The following KAT5 variants were observed in gnomAD, a reference collection of about 807,000 sequenced individuals.
KAT5 encodes the protein histone acetyltransferase KAT5.
Under a neutral mutation model 68.1 loss-of-function variants are expected in KAT5, and 31 were observed. That is an observed-to-expected ratio of 0.46 (90% CI 0.34 to 0.61). The LOEUF (loss-of-function observed/expected upper bound fraction) is 0.61, where lower values mean the gene tolerates loss of function less well. Among genes scored for constraint, KAT5 ranks in the 20% least tolerant of loss-of-function variants. The pLI, the probability that KAT5 is intolerant of heterozygous loss-of-function variation, is 0.01. For missense variants in KAT5, 451 were observed against 725.5 expected (o/e 0.62, Z 4.35); for synonymous variants, 365 against 292.6 (o/e 1.25, Z -2.52).
chr11:65,718,221 C>T lies in KAT5; in HGVS notation c.1265-369C>T, dbSNP rs1197581724. On this transcript the variant is annotated intron_variant, in intron 10 of 12. Transcript: ENST00000341318. ...CTGGATTAGAGACAGGAATCTGTCT[C>T]CACTTCCTTACATGGCTAGACACAG... 2.1e-5 allele frequency: 4 copies of T among 190,362 alleles called. No individual in the cohort carries two copies. In the East Asian group the frequency reaches 3.9e-4, roughly 19 times the overall value. 11.8% of individuals were successfully genotyped at this position (190,362 alleles called of 1,614,324 possible). A position where few individuals can be genotyped will look rare whatever the true frequency, so the allele number is the denominator to read the frequency against.
intron 3 of KAT5, 136 bp from the exon 4 acceptor site, chr11:65,713,212 A>G: frequency 3.1e-6 from 4 of 1,305,500 alleles, no homozygotes; most frequent in African/African-American, 1.5e-5. Flanking sequence ...TAGCTCCCAG[A>G]GTCCAGTAGC....
At chr11:65,714,332 G>A (rs1038027970) in intron 6 of KAT5, 163 bp from the exon 7 acceptor site, 9 of 757,456 alleles carry the variant, frequency 1.2e-5, no homozygotes, top group South Asian at 1.8e-5. Context: ...CCACATCATC[G>A]ATCCTTTAGG....
chr11:65,712,585 G>T, intron 1 of KAT5, 140 bp downstream of exon 1: 1 of 1,230,792 alleles, frequency 8.1e-7, no homozygotes, highest in Non-Finnish European at 1.1e-6. Flanking sequence ...GTGGCTCTTA[G>T]CTGCTCCGAG....
Position 65,712,446 on chromosome 11 carries a change from G to T in KAT5, c.178+1G>T. ...AACCAGGACAACGAAGATGAGTGGC[G>T]TGAGTGACGTTGGGGGGCGGGACTA... is the stretch of plus-strand genomic sequence containing the variant. On this transcript the variant is annotated splice_donor_variant, in intron 1 of 12. Coordinates refer to ENST00000341318, the MANE Select transcript of KAT5 (RefSeq NM_182710.3). LOFTEE classifies it high-confidence loss of function. 1.3e-6 allele frequency: 2 copies of T among 1,590,012 alleles called. No individual in the cohort carries two copies. The highest frequency in any genetic ancestry group is 1.7e-6 in the Non-Finnish European group (2 of 1,173,748).
chr11:65,717,829 G>A (rs1013446329), intron 10 of KAT5: 10 of 152,580 alleles, frequency 6.6e-5, no homozygotes, highest in African/African-American at 2.2e-4. Context: ...GACCAGCAAG[G>A]GGCTAAGGTC....
chr11:65,715,065 A>C, intron 8 of KAT5, 155 bp downstream of exon 8: 1 of 675,684 alleles, frequency 1.5e-6, no homozygotes, highest in Non-Finnish European at 2.7e-6. Flanking sequence ...GGAATGAGAC[A>C]GTCTCTGTTC....
At chr11:65,713,719 G>A (rs1460284333) in intron 5 of KAT5, 52 bp downstream of exon 5, 1 of 1,613,666 alleles carries the variant, frequency 6.2e-7, no homozygotes, top group Non-Finnish European at 8.5e-7. Flanking sequence ...ACTCTCTGGT[G>A]GCTTTTTTCA....
chr11:65,713,157 C>T, intron 3 of KAT5, 99 bp downstream of exon 3: 1 of 1,485,636 alleles, frequency 6.7e-7, no homozygotes, highest in Non-Finnish European at 9.2e-7. Context: ...GGCTCCCTCT[C>T]ACCCTGACTT....
At chr11:65,712,027 A>G, upstream of KAT5, 1 of 395,232 alleles carries the variant, frequency 2.5e-6, no homozygotes, top group Non-Finnish European at 4.5e-6. Context: ...CACGTGACGG[A>G]CTCAGTAGAC....
Position 65,713,426 on chromosome 11 carries a change from C to CG in KAT5, c.466dup (p.Glu156GlyfsTer9). ...ACTCCGCTTCAACCTGCCCAAGGAGCGGGAGGCCATTCCCGGTGGCGAGCC... is the reference window on the plus strand; with the variant it reads ...ACTCCGCTTCAACCTGCCCAAGGAGCGGGGAGGCCATTCCCGGTGGCGAGCC... On this transcript the variant is annotated frameshift_variant, in exon 4 of 13. Transcript: ENST00000341318. LOFTEE classifies it high-confidence loss of function. The CG allele has an allele frequency of 6.2e-7, 1 of 1,614,118 alleles. No homozygotes were observed. Among genetic ancestry groups the CG allele is most frequent in the Non-Finnish European group, 8.5e-7 (1 of 1,180,014 alleles).
At chr11:65,712,099 T>G, upstream of KAT5, 1 of 594,168 alleles carries the variant, frequency 1.7e-6, no homozygotes, top group South Asian at 3.5e-5. Context: ...CTTGTAACAC[T>G]CCGTTTTCCC....
At chr11:65,713,709 A>T (rs1555015567) in intron 5 of KAT5, 42 bp downstream of exon 5, 9 of 1,611,828 alleles carry the variant, frequency 5.6e-6, no homozygotes, top group Non-Finnish European at 6.8e-6. Context: ...CCTCTCTTCT[A>T]CTCTCTGGTG....
In KAT5 at chr11:65,717,350, A is replaced by G. The variant is rs1857233096; in HGVS notation, c.1264+368A>G. 22 of 346,652 alleles carry G rather than the reference A, an allele frequency of 6.3e-5. 2 individuals are homozygous for G. The South Asian group carries it at 6.7e-4, about 11-fold the overall frequency. 21.5% of individuals were successfully genotyped at this position (346,652 alleles called of 1,614,324 possible). A position where few individuals can be genotyped will look rare whatever the true frequency, so the allele number is the denominator to read the frequency against. ...GTACTGGGGCAAGGACCAGTGGCTA[A>G]TGTCCCCAGTTGTCCCCTGAGCCTT... is the stretch of plus-strand genomic sequence containing the variant. On this transcript the variant is annotated intron_variant, in intron 10 of 12. Transcript: ENST00000341318.
rs1270532456 is a variant in KAT5, at chr11:65,713,469, C to G, written c.506C>G (p.Ser169Cys). The change falls in exon 4 of 13, where the codon TCC (serine) becomes TGC (cysteine). Residue 169 changes from serine to cysteine, a missense_variant. Ser to Cys is a moderately radical substitution (Grantham distance 112). This residue lies in a region of KAT5 where 135 missense variants were observed against 173.4 expected (regional missense o/e 0.78). Transcript: ENST00000341318. ...GGCGAGCCTGACCAGCCGCTCTCCT[C>G]CAGCTCCTGCCTGCAGCCCAACCAC... is the stretch of plus-strand genomic sequence containing the variant. ...PGGEPDQPLS[S>C]SSCLQPNHRS... 6.2e-7 allele frequency: 1 copy of G among 1,614,130 alleles called. No individual in the cohort carries two copies. The highest frequency in any genetic ancestry group is 1.7e-5 in the Admixed American group (1 of 60,008).
In KAT5 at chr11:65,714,579, G is replaced by A. The variant is rs747460009; in HGVS notation, c.775G>A (p.Val259Ile). The change falls in exon 7 of 13, where the codon GTC (valine) becomes ATC (isoleucine). Residue 259 changes from valine (V) to isoleucine (I), a missense_variant. Transcript: ENST00000341318. ...LVSDRSHDDI[V>I]TRMKNIECIE... ...GTCTGATCGAAGCCACGACGACATC[G>A]TCACCCGGATGAAGAACATTGAGTG... 9 of 1,614,056 alleles carry A rather than the reference G, an allele frequency of 5.6e-6. No individual in the cohort carries two copies. The East Asian group carries it at 6.7e-5, about 12-fold the overall frequency.
At chr11:65,715,966 C>CGATTGCAT (rs1411715788) in intron 8 of KAT5, 1 of 146,108 alleles carries the variant, frequency 6.8e-6, no homozygotes, top group Non-Finnish European at 1.5e-5. Context: ...CAGTGACCCA[C>CGATTGCAT]GATTGCATGA....
In KAT5 at chr11:65,719,322, G is replaced by C. The variant is rs1857317221; in HGVS notation, c.*141G>C. The C allele has an allele frequency of 3.8e-6, 4 of 1,044,108 alleles. No homozygotes were observed. The highest frequency in any genetic ancestry group is 4.1e-6 in the Non-Finnish European group (3 of 737,914). The allele number at this position is 1,044,108 out of a possible 1,614,324, so 64.7% of individuals were successfully genotyped here. On this transcript the variant is annotated 3_prime_UTR_variant, in exon 13 of 13. Transcript: ENST00000341318. ...CAAAAAGGAGAGGACAGGCCTGGCA[G>C]GGGCCCACTGGTGCCCAGCACCAAG...
rs1590958788 is a variant in KAT5, at chr11:65,712,413, T to A, written c.146T>A (p.Leu49Gln). Residue 49 changes from leucine (L) to glutamine (Q), a missense_variant, in exon 1 of 13, where the codon CTG becomes CAG. Leu to Gln is a moderately radical substitution (Grantham distance 113). Around this residue, in one of 4 missense-constraint regions of KAT5, gnomAD observed 104 missense variants for 107.3 expected, o/e 0.97. Coordinates refer to ENST00000341318, the MANE Select transcript of KAT5 (RefSeq NM_182710.3). ...EIIEGCRLPV[L>Q]RRNQDNEDEW... Reference sequence around the variant, plus strand: ...ATCGAGGGCTGCCGCCTACCCGTGCTGCGGCGGAACCAGGACAACGAAGAT... The same window carrying A: ...ATCGAGGGCTGCCGCCTACCCGTGCAGCGGCGGAACCAGGACAACGAAGAT... The A allele has an allele frequency of 1.3e-6, 2 of 1,589,984 alleles. No homozygotes were observed. The highest frequency in any genetic ancestry group is 1.9e-5 in the Admixed American group (1 of 51,668).
rs1857051086 is a variant in KAT5 at position 65,712,428 on chromosome 11, A to G, written c.161A>G (p.Asp54Gly). The G allele has an allele frequency of 6.3e-7, 1 of 1,595,254 alleles. No homozygotes were observed. Among genetic ancestry groups the G allele is most frequent in the Non-Finnish European group, 8.5e-7 (1 of 1,174,900 alleles). Residue 54 changes from aspartate (D) to glycine (G), a missense_variant, in exon 1 of 13, where the codon GAC (aspartate) becomes GGC (glycine). Transcript: ENST00000341318. ...CRLPVLRRNQ[D>G]NEDEWPLAEI... ...CTACCCGTGCTGCGGCGGAACCAGG[A>G]CAACGAAGATGAGTGGCGTGAGTGA...
Sources: gnomAD v4.1 joint callset for allele counts on GRCh38, gnomAD v4.1.1 for gene constraint, gnomAD v4.1.1 regional missense constraint, MANE v1.5 for transcripts, NCBI Gene and HGNC (gene_info 2026-07-23, HGNC 2026-07-21) for gene names.